Variants in RSRC1 observed in about 807,000 individuals in gnomAD.
The protein encoded by RSRC1 is arginine and serine rich coiled-coil 1, also known as serine/Arginine-related protein 53.
Under a neutral mutation model 49.1 loss-of-function variants are expected in RSRC1, and 39 were observed. That is an observed-to-expected ratio of 0.79 (90% CI 0.61 to 1.04). RSRC1 has a LOEUF of 1.04. RSRC1 is among the 50% of genes least tolerant of loss of function. The pLI, the probability that RSRC1 is intolerant of heterozygous loss-of-function variation, is 0.00. For synonymous variants in RSRC1, 143 were observed against 130.8 expected (o/e 1.09, Z -0.63); for missense variants, 388 against 402.4 (o/e 0.96, Z 0.31).
chr3:158,166,937 A>G (rs1718574129), intron 3 of RSRC1, among the ~76,000 whole-genome samples: 1 of 152,190 alleles, frequency 6.6e-6, no homozygotes, highest in Admixed American at 6.5e-5. Context: ...GTATCTTAAT[A>G]GAATTTTTTT....
At chr3:158,228,798 T>C (rs1722669826) in intron 4 of RSRC1, among the ~76,000 whole-genome samples, 1 of 151,700 alleles carries the variant, frequency 6.6e-6, no homozygotes, top group East Asian at 1.9e-4. Context: ...TATATATGTG[T>C]GTATATATGT....
At chr3:158,262,194 T>A (rs827112) in intron 4 of RSRC1, among the ~76,000 whole-genome samples, 72,386 of 151,984 alleles carry the variant, frequency 0.48, 17,802 homozygotes, top group East Asian at 0.64. Flanking sequence ...GATCTAAGAT[T>A]TCTTTGCCTA....
chr3:158,354,127 A>G lies in RSRC1; in HGVS notation c.532-730A>G, dbSNP rs1161410106. Among the ~76,000 whole-genome samples, 4 of 148,900 alleles carry G rather than the reference A, an allele frequency of 2.7e-5. No individual in the cohort carries two copies. In the Admixed American group the frequency reaches 2.8e-4, roughly 10 times the overall value. ...TGCCTCAGCCTCCCAAGTAGCTGGG[A>G]CTATAGGTGCATGCCACCATGCCCA... On this transcript the variant is annotated intron_variant, in intron 5 of 9. Transcript: ENST00000611884.
chr3:158,130,689 T>C (rs1005051741), intron 3 of RSRC1, among the ~76,000 whole-genome samples: 16 of 152,200 alleles, frequency 1.1e-4, no homozygotes, highest in East Asian at 3.8e-4. Flanking sequence ...GTCTCAGATA[T>C]GGGATTTTCC....
At chr3:158,274,259 C>G (rs1725680724) in intron 4 of RSRC1, among the ~76,000 whole-genome samples, 4 of 151,926 alleles carry the variant, frequency 2.6e-5, no homozygotes, top group Admixed American at 2.6e-4. Context: ...AAATTCAATG[C>G]CTGTAAAACT....
At chr3:158,503,741 C>CA (rs1343749372) in intron 7 of RSRC1, among the ~76,000 whole-genome samples, 4 of 152,018 alleles carry the variant, frequency 2.6e-5, no homozygotes, top group African/African-American at 9.7e-5. Context: ...ACCGTGCCCC[C>CA]CCAACAGCCC....
At chr3:158,199,371 A>T (rs979240857) in intron 3 of RSRC1, among the ~76,000 whole-genome samples, 1 of 152,104 alleles carries the variant, frequency 6.6e-6, no homozygotes, top group East Asian at 1.9e-4. Context: ...TCCATCATCC[A>T]CATTCTTTAT....
chr3:158,343,217 T>C (rs1213430326), intron 5 of RSRC1, among the ~76,000 whole-genome samples: 1 of 152,228 alleles, frequency 6.6e-6, no homozygotes, highest in African/African-American at 2.4e-5. Context: ...ATAAAAACCA[T>C]CTTCCCTTAA....
chr3:158,466,802 C>A (rs1737910030), intron 7 of RSRC1, among the ~76,000 whole-genome samples: 1 of 152,176 alleles, frequency 6.6e-6, no homozygotes, highest in Non-Finnish European at 1.5e-5. Context: ...TGGCTCACAT[C>A]TGTAATCCCA....
intron 6 of RSRC1, among the ~76,000 whole-genome samples, chr3:158,422,475 T>C (rs1223354383): frequency 2.0e-5 from 3 of 151,286 alleles, no homozygotes; most frequent in Admixed American, 6.6e-5. Context: ...CAGTCTATCA[T>C]TGTTGGACAT....
chr3:158,260,235 A>G (rs1418606562), intron 4 of RSRC1, among the ~76,000 whole-genome samples: 22 of 152,166 alleles, frequency 1.4e-4, no homozygotes, highest in Admixed American at 1.2e-3. Flanking sequence ...GACCTGTAGT[A>G]CATACTATTC....
Position 158,123,848 on chromosome 3 carries a change from G to T in RSRC1, c.195-18G>T. 2 of 1,589,516 alleles carry T rather than the reference G, an allele frequency of 1.3e-6. No individual in the cohort carries two copies. The highest frequency in any genetic ancestry group is 2.3e-5 in the South Asian group (2 of 87,602). On this transcript the variant is annotated intron_variant, in intron 2 of 9. Coordinates refer to ENST00000611884, the MANE Select transcript of RSRC1 (RefSeq NM_001271838.2). ...AAAAATTTTTATAGCAGTGATCTTTGATTATATTTTATTTCAGACGCAGGC... is the reference window on the plus strand; with the variant it reads ...AAAAATTTTTATAGCAGTGATCTTTTATTATATTTTATTTCAGACGCAGGC...
intron 4 of RSRC1, among the ~76,000 whole-genome samples, chr3:158,269,777 C>A (rs1448823143): frequency 6.6e-6 from 1 of 152,130 alleles, no homozygotes; most frequent in Non-Finnish European, 1.5e-5. Context: ...TCCCAAAGTG[C>A]TGGGATTATA....
At chr3:158,321,563 T>G (rs966550556) in intron 5 of RSRC1, among the ~76,000 whole-genome samples, 6 of 128,604 alleles carry the variant, frequency 4.7e-5, no homozygotes, top group African/African-American at 1.8e-4. Flanking sequence ...TTTTTGTGTT[T>G]TTTTTTTTTT....
At chr3:158,128,733 C>A (rs1715798529) in intron 3 of RSRC1, among the ~76,000 whole-genome samples, 1 of 152,194 alleles carries the variant, frequency 6.6e-6, no homozygotes, top group East Asian at 1.9e-4. Flanking sequence ...TTCTATATTG[C>A]ATTTAGTTGT....
intron 7 of RSRC1, among the ~76,000 whole-genome samples, chr3:158,507,396 C>T (rs1284294484): frequency 5.9e-5 from 9 of 151,864 alleles, no homozygotes; most frequent in Non-Finnish European, 1.3e-4. Flanking sequence ...CTAATGTTCC[C>T]AACACAAAGA....
At chr3:158,163,891 A>G (rs1490989332) in intron 3 of RSRC1, among the ~76,000 whole-genome samples, 1 of 152,106 alleles carries the variant, frequency 6.6e-6, no homozygotes. Context: ...TAGAACGTAG[A>G]AGAATAAATG....
chr3:158,246,789 CCTTT>C (rs1468654557), intron 4 of RSRC1, among the ~76,000 whole-genome samples: 1 of 152,084 alleles, frequency 6.6e-6, no homozygotes, highest in African/African-American at 2.4e-5. Context: ...GATGAACTGG[CCTTT>C]CTCTCTGGCT....
chr3:158,518,148 A>ATATTTTTTTTTTTTTT (rs1310027981), intron 7 of RSRC1, among the ~76,000 whole-genome samples: 1 of 44,138 alleles, frequency 2.3e-5, no homozygotes, highest in Admixed American at 3.4e-4. Flanking sequence ...ATATATATAT[A>ATATTTTTTTTTTTTTT]TTTTTTTTTT....
Sources: gnomAD v4.1 joint callset for allele counts (sites outside exome capture counted in the v4.1 genomes callset) on GRCh38, gnomAD v4.1.1 for gene constraint, MANE v1.5 for transcripts, NCBI Gene and HGNC (gene_info 2026-07-23, HGNC 2026-07-21) for gene names.